The following KCNA2 variants were observed in gnomAD, a reference collection of about 807,000 sequenced individuals.
KCNA2 encodes potassium voltage-gated channel subfamily A member 2.
In KCNA2, 11 loss-of-function variants were observed where a neutral mutation model predicts 33.4. The observed-to-expected ratio is 0.33, with a 90% CI of 0.21 to 0.55. The LOEUF (loss-of-function observed/expected upper bound fraction) is 0.55. Ranked by LOEUF, KCNA2 falls within the 20% of genes least tolerant of loss-of-function variation. The pLI is 0.93. For synonymous variants in KCNA2, 222 were observed against 231.3 expected (o/e 0.96, Z 0.37); for missense variants, 291 against 621.6 (o/e 0.47, Z 5.66).
chr1:110,617,503 A>G (rs936713473), intron 1 of KCNA2, among the ~76,000 whole-genome samples: 34 of 152,316 alleles, frequency 2.2e-4, no homozygotes, highest in African/African-American at 8.2e-4. Context: ...TTTCAGAAAG[A>G]TAACTTGGGA....
chr1:110,600,111 C>A lies in KCNA2; in HGVS notation c.*3172G>T. The A allele has an allele frequency of 6.1e-6, 6 of 984,866 alleles. No homozygotes were observed. The highest frequency in any genetic ancestry group is 7.2e-6 in the Non-Finnish European group (6 of 829,826). 61.0% of individuals were successfully genotyped at this position (984,866 alleles called of 1,614,324 possible). A position where few individuals can be genotyped will look rare whatever the true frequency, so the allele number is the denominator to read the frequency against. On this transcript the variant is annotated 3_prime_UTR_variant, in exon 3 of 3. Coordinates refer to ENST00000316361, the MANE Select transcript of KCNA2 (RefSeq NM_004974.4). The stretch of plus-strand genomic sequence containing the variant: ...CTGGGGGATATAGACACAGGCCAGG[C>A]AAAGGTGATTACATCTGATCTTTTG...
intron 1 of KCNA2, among the ~76,000 whole-genome samples, chr1:110,611,984 A>G (rs918785747): frequency 1.1e-4 from 17 of 152,190 alleles, no homozygotes; most frequent in African/African-American, 3.9e-4. Flanking sequence ...AGATTGCACC[A>G]CTGCACGACA....
chr1:110,618,901 C>T (rs184340258), intron 1 of KCNA2, among the ~76,000 whole-genome samples: 304 of 152,332 alleles, frequency 2.0e-3, no homozygotes, highest in African/African-American at 7.0e-3. Flanking sequence ...ATGCTCTACT[C>T]TCACCTGGGC....
intron 1 of KCNA2, among the ~76,000 whole-genome samples, chr1:110,611,965 A>G (rs1403356770): frequency 6.6e-6 from 1 of 152,192 alleles, no homozygotes; most frequent in Non-Finnish European, 1.5e-5. Context: ...TGGAGGTTGC[A>G]GTGAGCTGAG....
Position 110,604,422 on chromosome 1 carries a change from C to T in KCNA2, c.361G>A (p.Glu121Lys). ...TCTTCCCGAAACATCTCCATCGCTT[C>T]TTCTCCCAGCTCATAAAACCGAATT... ...EEIRFYELGE[E>K]AMEMFREDEG... is the part of the protein sequence containing the mutation. The change falls in exon 3 of 3, where the codon GAA becomes AAA. Residue 121 changes from glutamate (E) to lysine (K), a missense_variant. Transcript: ENST00000316361. This position sits in a 1 kb window ranked among gnomAD's most constrained non-coding sequence, Gnocchi z 7.6. The T allele has an allele frequency of 6.2e-7, 1 of 1,614,206 alleles. No individual in the cohort carries two copies.
chr1:110,621,974 A>G (rs1650269738), intron 1 of KCNA2, among the ~76,000 whole-genome samples: 1 of 152,184 alleles, frequency 6.6e-6, no homozygotes, highest in Non-Finnish European at 1.5e-5. Flanking sequence ...AGAAAATGGA[A>G]AAGATAATAC....
chr1:110,629,024 T>A (rs1487543139), intron 1 of KCNA2, among the ~76,000 whole-genome samples: 1 of 152,210 alleles, frequency 6.6e-6, no homozygotes. Flanking sequence ...TCCTCAAATT[T>A]GCATTTGATA....
chr1:110,626,534 G>A (rs1466394100), intron 1 of KCNA2, among the ~76,000 whole-genome samples: 1 of 152,136 alleles, frequency 6.6e-6, no homozygotes, highest in African/African-American at 2.4e-5. Context: ...ACATCTCAGT[G>A]TGTACCTTTT....
Position 110,601,495 on chromosome 1 carries a change from C to G in KCNA2, c.*1788G>C. 1 of 985,830 alleles carries G rather than the reference C, an allele frequency of 1.0e-6. No individual in the cohort carries two copies. Among genetic ancestry groups the G allele is most frequent in the Non-Finnish European group, 1.2e-6 (1 of 830,318 alleles). The allele number at this position is 985,830 out of a possible 1,614,324, so 61.1% of individuals were successfully genotyped here. A position where few individuals can be genotyped will look rare whatever the true frequency, so the allele number is the denominator to read the frequency against. On this transcript the variant is annotated 3_prime_UTR_variant, in exon 3 of 3. Transcript: ENST00000316361. ...ACAGGATGAACTGTAGAGAGGAGGC[C>G]CGGGGTGGGTCTGGCCCAGGACAGC...
Position 110,598,238 on chromosome 1 carries a change from T to C in KCNA2, c.*5045A>G, listed in dbSNP as rs1649187157. On this transcript the variant is annotated 3_prime_UTR_variant, in exon 3 of 3. Transcript: ENST00000316361. ...GCCATCACCCACATACAAGTTATTA[T>C]GACAATGGGCCCCAGGAAAGCTCTG... 3.7e-6 allele frequency: 2 copies of C among 543,828 alleles called. No individual in the cohort carries two copies. The highest frequency in any genetic ancestry group is 4.7e-6 in the Non-Finnish European group (2 of 426,842). 33.7% of individuals were successfully genotyped at this position (543,828 alleles called of 1,614,324 possible).
Position 110,599,098 on chromosome 1 carries a change from C to T in KCNA2, c.*4185G>A, listed in dbSNP as rs1466685832. The T allele has an allele frequency of 1.0e-6, 1 of 985,436 alleles. No homozygotes were observed. The highest frequency in any genetic ancestry group is 1.2e-6 in the Non-Finnish European group (1 of 829,938). The allele number at this position is 985,436 out of a possible 1,614,324, so 61.0% of individuals were successfully genotyped here. A position where few individuals can be genotyped will look rare whatever the true frequency, so the allele number is the denominator to read the frequency against. ...TTACCTTTTCTGTAGAGACTGGGAG[C>T]TGCGACCATCACTGGAAGGGAGAGT... On this transcript the variant is annotated 3_prime_UTR_variant, in exon 3 of 3. Transcript: ENST00000316361.
rs1241284741 is a variant in KCNA2 at position 110,601,810 on chromosome 1, GTGTGTGTGTGTGTGTGTGTA to G, written c.*1453_*1472del. The G allele has an allele frequency of 1.6e-6, 2 of 1,283,148 alleles. No homozygotes were observed. The highest frequency in any genetic ancestry group is 2.0e-6 in the Non-Finnish European group (2 of 1,019,502). 79.5% of individuals were successfully genotyped at this position (1,283,148 alleles called of 1,614,324 possible). A position where few individuals can be genotyped will look rare whatever the true frequency, so the allele number is the denominator to read the frequency against. ...TATATATATATGTGTGTGTGTGTGT[GTGTGTGTGTGTGTGTGTGTA>G]TACATATACACACATATGTATGTAT... On this transcript the variant is annotated 3_prime_UTR_variant, in exon 3 of 3. Transcript: ENST00000316361.
upstream of KCNA2, among the ~76,000 whole-genome samples, chr1:110,609,775 G>T (rs1649808019): frequency 6.6e-6 from 1 of 152,208 alleles, no homozygotes; most frequent in South Asian, 2.1e-4. Context: ...CAGGGCTTCT[G>T]CCCTGAAAAG....
Position 110,596,026 on chromosome 1 carries a change from G to T in KCNA2, c.*7257C>A. ...CAGGGCAGACAGAAGAAAGGCTAAA[G>T]CACCTGGCTGTTAGATCAGACTTCC... On this transcript the variant is annotated 3_prime_UTR_variant, in exon 3 of 3. Transcript: ENST00000316361. 1 of 985,428 alleles carries T rather than the reference G, an allele frequency of 1.0e-6. No homozygotes were observed. The highest frequency in any genetic ancestry group is 4.7e-5 in the South Asian group (1 of 21,286). 61.0% of individuals were successfully genotyped at this position (985,428 alleles called of 1,614,324 possible). A position where few individuals can be genotyped will look rare whatever the true frequency, so the allele number is the denominator to read the frequency against.
chr1:110,595,726 C>A lies in KCNA2; in HGVS notation c.*7557G>T. The A allele has an allele frequency of 1.0e-6, 1 of 985,402 alleles. No homozygotes were observed. 61.0% of individuals were successfully genotyped at this position (985,402 alleles called of 1,614,324 possible). A position where few individuals can be genotyped will look rare whatever the true frequency, so the allele number is the denominator to read the frequency against. ...AATTTCAGCTGCTCTAATACCCACACCCTCAACTTAGGTTTAGTCATAATA... is the reference window on the plus strand; with the variant it reads ...AATTTCAGCTGCTCTAATACCCACAACCTCAACTTAGGTTTAGTCATAATA... On this transcript the variant is annotated 3_prime_UTR_variant, in exon 3 of 3. Transcript: ENST00000316361.
Position 110,603,937 on chromosome 1 carries a change from C to T in KCNA2, c.846G>A (p.Gln282=). The change falls in exon 3 of 3, where the codon CAG becomes CAA. Residue 282 remains glutamine (Q), a synonymous_variant. Coordinates refer to ENST00000316361, the MANE Select transcript of KCNA2 (RefSeq NM_004974.4). The surrounding 1 kb of genome is among the most constrained non-coding windows in gnomAD (Gnocchi z 5.7). ...CCAGTGACATGGCCTGCTGGCCTTG[C>T]TGAGCGTCCTCTGGCTTCTCAGCCA... ...TELAEKPEDA[Q]QGQQAMSLAI... 1.2e-6 allele frequency: 2 copies of T among 1,614,208 alleles called. No individual in the cohort carries two copies. Among genetic ancestry groups the T allele is most frequent in the Non-Finnish European group, 1.7e-6 (2 of 1,180,026 alleles).
At position 110,603,219 on chromosome 1, in the gene KCNA2, T is replaced by C; in HGVS notation, c.*64A>G. ...ACACTGTAGAACACACTGACTACAA[T>C]GCAGGCTATTATGCAACATCTGCAT... On this transcript the variant is annotated 3_prime_UTR_variant, in exon 3 of 3. Transcript: ENST00000316361. This position sits in a 1 kb window ranked among gnomAD's most constrained non-coding sequence, Gnocchi z 5.7. The C allele has an allele frequency of 1.3e-6, 2 of 1,542,740 alleles. No individual in the cohort carries two copies. The highest frequency in any genetic ancestry group is 2.3e-5 in the East Asian group (1 of 44,416).
At chr1:110,612,832 T>G (rs185921095) in intron 1 of KCNA2, among the ~76,000 whole-genome samples, 117 of 152,338 alleles carry the variant, frequency 7.7e-4, no homozygotes, top group African/African-American at 2.6e-3. Flanking sequence ...TGGCATCACA[T>G]TAAACTGCCT....
intron 1 of KCNA2, among the ~76,000 whole-genome samples, chr1:110,617,255 T>C (rs1650095987): frequency 6.6e-6 from 1 of 151,918 alleles, no homozygotes; most frequent in South Asian, 2.1e-4. Flanking sequence ...AATGGGTGAG[T>C]GGATTCCAGG....
Sources: gnomAD v4.1 joint callset for allele counts (sites outside exome capture counted in the v4.1 genomes callset) on GRCh38, gnomAD v4.1.1 for gene constraint, Gnocchi (gnomAD v3.1) non-coding constraint, MANE v1.5 for transcripts, NCBI Gene and HGNC (gene_info 2026-07-23, HGNC 2026-07-21) for gene names.